The following DAB1 variants were observed in gnomAD, a reference collection of about 807,000 sequenced individuals.
The protein encoded by DAB1 is DAB adaptor protein 1, also known as disabled homolog 1.
In DAB1, 15 loss-of-function variants were observed where a neutral mutation model predicts 64.6. The ratio of observed to expected loss-of-function variants is 0.23; its 90% CI spans 0.16 to 0.36. The LOEUF is 0.36. Among genes scored for constraint, DAB1 ranks in the 10% least tolerant of loss-of-function variants. The probability of loss-of-function intolerance (pLI) is 1.00; values close to 1 mark genes in which losing one functional copy is unlikely to be tolerated. For missense variants in DAB1, 596 were observed against 706.7 expected, an observed-to-expected ratio of 0.84 and a Z score of 1.78; for synonymous variants, 235 against 251.9, an observed-to-expected ratio of 0.93 and a Z score of 0.64.
rs1645436942 is a variant in DAB1, at chr1:57,590,771, CA to C, written n.625+58820del. The stretch of plus-strand genomic sequence containing the variant: ...ACACACACACACACACACACACACA[CA>C]CACACACACACCCCACTCACATATT... On this transcript the variant is annotated intron_variant and non_coding_transcript_variant, in intron 7 of 20. Transcript: ENST00000485760. Among the ~76,000 whole-genome samples, 2 of 151,680 alleles carry C rather than the reference CA, an allele frequency of 1.3e-5. 1 individual carries two copies. The highest frequency in any genetic ancestry group is 4.2e-4 in the South Asian group (2 of 4,806).
chr1:57,809,190 G>T (rs998381181), intron 6 of DAB1, among the ~76,000 whole-genome samples: 2 of 152,154 alleles, frequency 1.3e-5, no homozygotes, highest in African/African-American at 4.8e-5. Context: ...CTCAAGAGCA[G>T]AAAAGCATCA....
intron 2 of DAB1, among the ~76,000 whole-genome samples, chr1:57,278,036 A>G (rs1443171859): frequency 6.6e-6 from 1 of 152,210 alleles, no homozygotes; most frequent in Non-Finnish European, 1.5e-5. Flanking sequence ...ATAAAGGTAA[A>G]TTGCATCTGT....
chr1:57,193,429 C>T (rs539661667), intron 2 of DAB1, among the ~76,000 whole-genome samples: 6 of 124,850 alleles, frequency 4.8e-5, no homozygotes, highest in African/African-American at 1.9e-4. Context: ...CTCTGTCACC[C>T]AGGCTGGAGT....
intron 3 of DAB1, among the ~76,000 whole-genome samples, chr1:58,490,805 T>G (rs1248573607): frequency 2.5e-5 from 3 of 121,094 alleles, no homozygotes; most frequent in Admixed American, 2.5e-4. Context: ...CTTTTTTTTT[T>G]TTTTTTTTTT....
At chr1:57,431,143 C>CAAAAAAA (rs77701798) in intron 7 of DAB1, among the ~76,000 whole-genome samples, 3,813 of 95,518 alleles carry the variant, frequency 0.04, 123 homozygotes, top group African/African-American at 0.13. Context: ...AGGCCAAAAA[C>CAAAAAAA]AAAAAAAAAA....
rs373937764 is a variant in DAB1, at chr1:57,398,160, C to A, written c.-137+25770G>T. ...ATTCAGTCAACACTATCGAGTGCACCCTTTGAGCAAGGCCCATAGGCGGCA... is the reference window on the plus strand; with the variant it reads ...ATTCAGTCAACACTATCGAGTGCACACTTTGAGCAAGGCCCATAGGCGGCA... On this transcript the variant is annotated intron_variant, in intron 1 of 14. Coordinates refer to ENST00000371236, the MANE Select transcript of DAB1 (RefSeq NM_001365792.1). Among the ~76,000 whole-genome samples the A allele has an allele frequency of 1.2e-3, 181 of 152,266 alleles. 4 individuals carry two copies. The South Asian group carries it at 0.037, about 31-fold the overall frequency.
intron 5 of DAB1, among the ~76,000 whole-genome samples, chr1:57,910,782 G>T (rs556997267): frequency 1.3e-5 from 2 of 152,220 alleles, no homozygotes; most frequent in Non-Finnish European, 2.9e-5. Flanking sequence ...ATGTTGGCCT[G>T]CATTATCGAT....
intron 7 of DAB1, among the ~76,000 whole-genome samples, chr1:57,623,870 T>G (rs1456581698): frequency 6.6e-6 from 1 of 152,206 alleles, no homozygotes; most frequent in Admixed American, 6.5e-5. Context: ...GAGGTCCAGA[T>G]AGCATGCTTC....
intron 5 of DAB1, among the ~76,000 whole-genome samples, chr1:58,115,784 A>T (rs1652286429): frequency 8.7e-6 from 1 of 115,118 alleles, no homozygotes; most frequent in Non-Finnish European, 1.8e-5. Flanking sequence ...TGGGAATTGA[A>T]CAATGAGATC....
At chr1:58,362,273 C>T (rs1644174541) in intron 3 of DAB1, among the ~76,000 whole-genome samples, 1 of 152,146 alleles carries the variant, frequency 6.6e-6, no homozygotes, top group Non-Finnish European at 1.5e-5. Context: ...TGGGTTAAGA[C>T]ACTTTTCTCT....
At chr1:58,106,105 CTTCCTTTT>C (rs2100641675) in intron 5 of DAB1, among the ~76,000 whole-genome samples, 1 of 135,690 alleles carries the variant, frequency 7.4e-6, no homozygotes, top group East Asian at 2.5e-4. Flanking sequence ...TCCTTCCTTC[CTTCCTTTT>C]CTTTCTTCCT....
intron 14 of DAB1, among the ~76,000 whole-genome samples, chr1:57,006,522 A>T (rs1646073566): frequency 6.6e-6 from 1 of 152,144 alleles, no homozygotes. Flanking sequence ...ACTATGCCTG[A>T]GGTCTTGGCT....
intron 4 of DAB1, among the ~76,000 whole-genome samples, chr1:57,130,008 C>G (rs1028521013): frequency 6.6e-6 from 1 of 151,548 alleles, no homozygotes; most frequent in Non-Finnish European, 1.5e-5. Context: ...CAGGCCTGGC[C>G]GATACAACAA....
intron 7 of DAB1, among the ~76,000 whole-genome samples, chr1:57,593,657 T>A (rs1645472212): frequency 6.6e-6 from 1 of 152,228 alleles, no homozygotes; most frequent in Non-Finnish European, 1.5e-5. Flanking sequence ...AGGAGGATTA[T>A]TTTTTGGCAC....
Position 57,015,020 on chromosome 1 carries a change from AGGGAGGGCTGGTCGGGTTTGC to A in DAB1, c.1286_1306del (p.Arg429_Ser435del), listed in dbSNP as rs775459387. 5.0e-5 allele frequency: 81 copies of A among 1,613,992 alleles called. No homozygotes were observed. Among genetic ancestry groups the A allele is most frequent in the Non-Finnish European group, 6.0e-5 (71 of 1,180,032 alleles). On this transcript the variant is annotated inframe_deletion, in exon 12 of 15. Coordinates refer to ENST00000371236, the MANE Select transcript of DAB1 (RefSeq NM_001365792.1). ...GGAGAAGGCCTCTGAGGTACAGGTG[AGGGAGGGCTGGTCGGGTTTGC>A]GGGAGGGCACGGGCGGAGGCTGGGC...
At chr1:58,286,562 TA>T (rs1225954619) in intron 4 of DAB1, among the ~76,000 whole-genome samples, 1 of 152,140 alleles carries the variant, frequency 6.6e-6, no homozygotes, top group Non-Finnish European at 1.5e-5. Context: ...AAACATATTT[TA>T]AAAAAGATCA....
intron 5 of DAB1, among the ~76,000 whole-genome samples, chr1:58,141,219 G>C (rs546394645): frequency 1.3e-5 from 2 of 152,212 alleles, no homozygotes; most frequent in East Asian, 1.9e-4. Flanking sequence ...AAAGGAAAGA[G>C]GTTTTATTGA....
At chr1:57,746,012 T>C (rs1648249399) in intron 6 of DAB1, among the ~76,000 whole-genome samples, 2 of 152,198 alleles carry the variant, frequency 1.3e-5, no homozygotes. Flanking sequence ...AACTTACATG[T>C]TTCAGATCTC....
chr1:57,606,098 C>A, intron 7 of DAB1: 1 of 484,710 alleles, frequency 2.1e-6, no homozygotes, highest in Non-Finnish European at 3.9e-6. Context: ...ATCAAGTCAG[C>A]ACATACCATC....
Sources: gnomAD v4.1 joint callset for allele counts (sites outside exome capture counted in the v4.1 genomes callset) on GRCh38, gnomAD v4.1.1 for gene constraint, MANE v1.5 for transcripts, NCBI Gene and HGNC (gene_info 2026-07-23, HGNC 2026-07-21) for gene names.